Variants in GABRB1 observed in about 807,000 individuals in gnomAD.
The protein encoded by GABRB1 is gamma-aminobutyric acid type A receptor subunit beta1.
Under a neutral mutation model 51.6 loss-of-function variants are expected in GABRB1, and 17 were observed. That is an observed-to-expected ratio of 0.33 (90% CI 0.23 to 0.49). GABRB1 has a LOEUF of 0.49. Ranked by LOEUF, GABRB1 falls within the 20% of genes least tolerant of loss-of-function variation. The pLI, the probability that GABRB1 is intolerant of heterozygous loss-of-function variation, is 0.99. For synonymous variants in GABRB1, 247 were observed against 218.9 expected (o/e 1.13, Z -1.14); for missense variants, 410 against 600.6 (o/e 0.68, Z 3.32).
At chr4:47,118,209 C>T (rs1715592806) in intron 3 of GABRB1, among the ~76,000 whole-genome samples, 1 of 152,128 alleles carries the variant, frequency 6.6e-6, no homozygotes, top group Admixed American at 6.5e-5. Flanking sequence ...CATCTTCAAT[C>T]ATAGAGTCAT....
At chr4:47,247,885 C>T (rs942894757) in intron 4 of GABRB1, among the ~76,000 whole-genome samples, 10 of 151,854 alleles carry the variant, frequency 6.6e-5, no homozygotes, top group Admixed American at 5.3e-4. Flanking sequence ...TTGCTGAATT[C>T]TTTTATCAGT....
intron 4 of GABRB1, among the ~76,000 whole-genome samples, chr4:47,245,000 A>G (rs1386297162): frequency 1.3e-5 from 2 of 152,202 alleles, no homozygotes; most frequent in Admixed American, 1.3e-4. Context: ...AGATCAGAGC[A>G]GAACTGAAGG....
intron 3 of GABRB1, among the ~76,000 whole-genome samples, chr4:47,160,087 A>C (rs1235256750): frequency 1.3e-5 from 2 of 152,088 alleles, no homozygotes; most frequent in Non-Finnish European, 2.9e-5. Flanking sequence ...AAGTGCTAAG[A>C]TTATTATTTG....
At chr4:47,177,661 T>A (rs1294747360) in intron 4 of GABRB1, among the ~76,000 whole-genome samples, 1 of 152,092 alleles carries the variant, frequency 6.6e-6, no homozygotes, top group African/African-American at 2.4e-5. Flanking sequence ...AGATTTGGAA[T>A]CAAATGAGAA....
intron 3 of GABRB1, among the ~76,000 whole-genome samples, chr4:47,152,536 T>C (rs902242721): frequency 6.6e-6 from 1 of 152,054 alleles, no homozygotes; most frequent in African/African-American, 2.4e-5. Context: ...GCTCTCTCCA[T>C]GGTGAGCTAA....
At chr4:47,392,690 T>A (rs1482853563) in intron 5 of GABRB1, among the ~76,000 whole-genome samples, 2 of 152,154 alleles carry the variant, frequency 1.3e-5, no homozygotes, top group Non-Finnish European at 2.9e-5. Context: ...AGGGGAAGTA[T>A]CTAACATGAA....
At chr4:47,423,716 T>A (rs1297547561) in intron 8 of GABRB1, among the ~76,000 whole-genome samples, 1 of 152,138 alleles carries the variant, frequency 6.6e-6, no homozygotes, top group Non-Finnish European at 1.5e-5. Flanking sequence ...AAAATAATAT[T>A]TGAGACAAAG....
chr4:47,415,649 A>G (rs1728892580), intron 8 of GABRB1, among the ~76,000 whole-genome samples: 1 of 152,218 alleles, frequency 6.6e-6, no homozygotes, highest in Non-Finnish European at 1.5e-5. Context: ...AAAGAATATC[A>G]GGGCATTATC....
At chr4:47,052,149 T>C (rs1003688712) in intron 3 of GABRB1, among the ~76,000 whole-genome samples, 4 of 151,978 alleles carry the variant, frequency 2.6e-5, no homozygotes, top group Non-Finnish European at 2.9e-5. Context: ...ATAAATAAGA[T>C]AAAGTATGAT....
At chr4:47,143,128 C>G (rs1717001736) in intron 3 of GABRB1, among the ~76,000 whole-genome samples, 1 of 151,808 alleles carries the variant, frequency 6.6e-6, no homozygotes, top group Non-Finnish European at 1.5e-5. Flanking sequence ...CAGCAGTATT[C>G]TGGTATGACT....
intron 4 of GABRB1, among the ~76,000 whole-genome samples, chr4:47,224,109 T>C (rs535723261): frequency 1.3e-5 from 2 of 152,110 alleles, no homozygotes; most frequent in Admixed American, 1.3e-4. Flanking sequence ...ACCTGAGCTC[T>C]GTGCTCCCAG....
chr4:47,116,753 T>C (rs1249083759), intron 3 of GABRB1, among the ~76,000 whole-genome samples: 1 of 152,164 alleles, frequency 6.6e-6, no homozygotes, highest in Non-Finnish European at 1.5e-5. Flanking sequence ...TATAAAGAAC[T>C]ACCTGCGACT....
In GABRB1 at chr4:47,159,021, A is replaced by G. The variant is rs192489003; in HGVS notation, c.241-2228A>G. On this transcript the variant is annotated intron_variant, in intron 3 of 8. Transcript: ENST00000295454. ...GTCAGGAACAGTGGCTCACACTTGT[A>G]ATCCCAGTACTTTGGGAGGCTGAGG... is the stretch of plus-strand genomic sequence containing the variant. Among the ~76,000 whole-genome samples the G allele has an allele frequency of 2.8e-3, 420 of 152,126 alleles. 3 individuals are homozygous for G. The highest frequency in any genetic ancestry group is 9.1e-3 in the African/African-American group (377 of 41,518).
chr4:47,283,331 G>C (rs978459958), intron 4 of GABRB1, among the ~76,000 whole-genome samples: 1 of 127,608 alleles, frequency 7.8e-6, no homozygotes, highest in Non-Finnish European at 1.6e-5. Context: ...TTACCTTCTA[G>C]GCAATGTTCC....
intron 4 of GABRB1, among the ~76,000 whole-genome samples, chr4:47,318,596 G>C (rs1724966633): frequency 6.6e-6 from 1 of 152,038 alleles, no homozygotes. Flanking sequence ...ATCCTAGGAT[G>C]AGAGTTCATA....
At chr4:47,416,874 G>A (rs1244841443) in intron 8 of GABRB1, among the ~76,000 whole-genome samples, 1 of 152,132 alleles carries the variant, frequency 6.6e-6, no homozygotes, top group Non-Finnish European at 1.5e-5. Flanking sequence ...CTGGAAAGAG[G>A]AAGATCACTT....
chr4:47,091,833 T>C (rs1728307468), intron 3 of GABRB1, among the ~76,000 whole-genome samples: 1 of 152,208 alleles, frequency 6.6e-6, no homozygotes, highest in African/African-American at 2.4e-5. Flanking sequence ...CCTGGCTTTC[T>C]GCCCTCCACC....
chr4:47,347,125 T>TAA (rs34038421), intron 5 of GABRB1, among the ~76,000 whole-genome samples: 42 of 151,854 alleles, frequency 2.8e-4, no homozygotes, highest in Admixed American at 6.6e-4. Context: ...CTACTAAACA[T>TAA]AAAAAAATTA....
intron 5 of GABRB1, among the ~76,000 whole-genome samples, chr4:47,342,588 T>G (rs1220674954): frequency 2.0e-5 from 3 of 152,164 alleles, no homozygotes; most frequent in Admixed American, 1.3e-4. Flanking sequence ...CAACTTATGA[T>G]TCAAATTTTC....
Sources: allele counts gnomAD v4.1 joint callset (sites outside exome capture counted in the v4.1 genomes callset), GRCh38; gene constraint gnomAD v4.1.1; transcripts MANE v1.5; gene names NCBI Gene and HGNC (gene_info 2026-07-23, HGNC 2026-07-21).